The following ZNF654 variants were observed in gnomAD, a reference collection of about 807,000 sequenced individuals.
The protein encoded by ZNF654 is melanoma-associated antigen.
Under a neutral mutation model 95.3 loss-of-function variants are expected in ZNF654, and 19 were observed. That is an observed-to-expected ratio of 0.20 (90% CI 0.14 to 0.29). The LOEUF is 0.29. Ranked by LOEUF, ZNF654 falls within the 10% of genes least tolerant of loss-of-function variation. The pLI, the probability that ZNF654 is intolerant of heterozygous loss-of-function variation, is 1.00. For synonymous variants in ZNF654, 413 were observed against 457.9 expected (o/e 0.90, Z 1.25); for missense variants, 1,046 against 1,341.0 (o/e 0.78, Z 3.44).
At chr3:88,136,908 A>C (rs898606975) in intron 7 of ZNF654, among the ~76,000 whole-genome samples, 2 of 152,074 alleles carry the variant, frequency 1.3e-5, no homozygotes, top group Non-Finnish European at 2.9e-5. Flanking sequence ...AAGATAGAGG[A>C]TGTAGGCTGG....
intron 1 of ZNF654, among the ~76,000 whole-genome samples, chr3:88,082,403 G>A (rs908279684): frequency 6.6e-6 from 1 of 152,208 alleles, no homozygotes; most frequent in Non-Finnish European, 1.5e-5. Context: ...GGGATTACAG[G>A]CGTGAGCCAC....
chr3:88,092,991 G>A (rs1387577842), intron 2 of ZNF654, among the ~76,000 whole-genome samples: 2 of 152,174 alleles, frequency 1.3e-5, no homozygotes, highest in Non-Finnish European at 1.5e-5. Flanking sequence ...AAAAAGTCAT[G>A]TAGTGAATTG....
At chr3:88,081,848 T>C (rs943688961) in intron 1 of ZNF654, among the ~76,000 whole-genome samples, 1 of 152,224 alleles carries the variant, frequency 6.6e-6, no homozygotes, top group African/African-American at 2.4e-5. Context: ...TGTTTACTGT[T>C]GCTGTAGAGT....
chr3:88,060,844 A>G (rs960672863), intron 1 of ZNF654, among the ~76,000 whole-genome samples: 1 of 152,110 alleles, frequency 6.6e-6, no homozygotes, highest in African/African-American at 2.4e-5. Flanking sequence ...CCTTACAAGC[A>G]TTGAAAGAAA....
intron 1 of ZNF654, among the ~76,000 whole-genome samples, chr3:88,069,365 T>G (rs899963021): frequency 9.9e-5 from 15 of 152,092 alleles, no homozygotes; most frequent in Admixed American, 9.2e-4. Context: ...GAGGTTGCAG[T>G]GAGTCTAGAT....
intron 1 of ZNF654, among the ~76,000 whole-genome samples, chr3:88,082,839 G>T (rs78605209): frequency 0.057 from 8,682 of 152,264 alleles, 276 homozygotes; most frequent in Admixed American, 0.079. Context: ...TTAAACAACA[G>T]AAATTTATTT....
At position 88,143,901 on chromosome 3, in the gene ZNF654, C is replaced by G. The variant is rs1707241315; in HGVS notation, c.*2249C>G. On this transcript the variant is annotated 3_prime_UTR_variant, in exon 9 of 9. Coordinates refer to ENST00000636215, the MANE Select transcript of ZNF654 (RefSeq NM_001350134.2). ...TTACATCTGTCTTTTAAAACATAAA[C>G]CTACATCATTTTGCTTTTATAGGGT... 6.6e-6 allele frequency: 1 copy of G among 151,890 alleles called. No individual in the cohort carries two copies. The highest frequency in any genetic ancestry group is 1.5e-5 in the Non-Finnish European group (1 of 67,768). 9.4% of individuals were successfully genotyped at this position (151,890 alleles called of 1,614,324 possible). A position where few individuals can be genotyped will look rare whatever the true frequency, so the allele number is the denominator to read the frequency against.
chr3:88,115,347 G>GT lies in ZNF654; in HGVS notation c.414+2154dup, dbSNP rs1388880459. Among the ~76,000 whole-genome samples, 3 of 152,308 alleles carry GT rather than the reference G, an allele frequency of 2.0e-5. No individual in the cohort carries two copies. In the South Asian group the frequency reaches 6.2e-4, roughly 32 times the overall value. ...GCTTACACTGTGTCATCCTGGGCAA[G>GT]TTTCATAATTTCTGTACCAGTTTCT... On this transcript the variant is annotated intron_variant, in intron 3 of 8. Coordinates refer to ENST00000636215, the MANE Select transcript of ZNF654 (RefSeq NM_001350134.2).
chr3:88,071,639 A>AACAC (rs1707519705), intron 1 of ZNF654, among the ~76,000 whole-genome samples: 1 of 151,314 alleles, frequency 6.6e-6, no homozygotes, highest in Non-Finnish European at 1.5e-5. Context: ...CCATCTCAAA[A>AACAC]ACAAACAAAC....
At chr3:88,118,164 C>T (rs576500399) in intron 3 of ZNF654, among the ~76,000 whole-genome samples, 2 of 152,188 alleles carry the variant, frequency 1.3e-5, no homozygotes, top group South Asian at 2.1e-4. Context: ...TATCCTTATC[C>T]GGTGAAGCCA....
chr3:88,141,644 G>A lies in ZNF654; in HGVS notation c.3380-1G>A. The stretch of plus-strand genomic sequence containing the variant: ...ATTAACAGATGTGTTCTGTTTTACA[G>A]GTGCCTGATGAAAACGGTTCAGAAA... On this transcript the variant is annotated splice_acceptor_variant, in intron 8 of 8. Transcript: ENST00000636215. LOFTEE classifies it high-confidence loss of function. 1 of 1,508,318 alleles carries A rather than the reference G, an allele frequency of 6.6e-7. No individual in the cohort carries two copies. Among genetic ancestry groups the A allele is most frequent in the Admixed American group, 1.9e-5 (1 of 51,300 alleles). The allele number at this position is 1,508,318 out of a possible 1,614,324, so 93.4% of individuals were successfully genotyped here.
chr3:88,113,613 C>T (rs1210965625), intron 3 of ZNF654, among the ~76,000 whole-genome samples: 2 of 151,906 alleles, frequency 1.3e-5, no homozygotes, highest in Non-Finnish European at 2.9e-5. Flanking sequence ...TTTTGGGCAC[C>T]TGGTATAGGA....
chr3:88,134,009 T>C (rs1559732434), intron 6 of ZNF654, among the ~76,000 whole-genome samples: 1 of 151,632 alleles, frequency 6.6e-6, no homozygotes, highest in Non-Finnish European at 1.5e-5. Context: ...CAATATAAAT[T>C]GAAACACCCA....
chr3:88,120,368 C>A (rs1183001969), intron 3 of ZNF654, among the ~76,000 whole-genome samples: 1 of 152,136 alleles, frequency 6.6e-6, no homozygotes, highest in Non-Finnish European at 1.5e-5. Flanking sequence ...ATACTGCTAT[C>A]TTGAGAGCTT....
At chr3:88,099,494 A>G (rs1451113092) in intron 2 of ZNF654, among the ~76,000 whole-genome samples, 2 of 152,168 alleles carry the variant, frequency 1.3e-5, no homozygotes, top group East Asian at 3.9e-4. Flanking sequence ...CTCATACGGA[A>G]CCAAAAAAGA....
intron 2 of ZNF654, among the ~76,000 whole-genome samples, chr3:88,096,820 G>C (rs1250911957): frequency 6.6e-6 from 1 of 151,922 alleles, no homozygotes; most frequent in Admixed American, 6.6e-5. Flanking sequence ...TAGTTTCCTA[G>C]TTTCTGTATC....
intron 1 of ZNF654, among the ~76,000 whole-genome samples, chr3:88,083,185 G>A (rs1246693096): frequency 6.6e-6 from 1 of 152,112 alleles, no homozygotes; most frequent in Non-Finnish European, 1.5e-5. Flanking sequence ...AGTCCCATCG[G>A]GGGGTTAGGG....
At chr3:88,129,635 G>T in intron 5 of ZNF654, 52 bp from the exon 6 acceptor site, 1 of 1,297,076 alleles carries the variant, frequency 7.7e-7, no homozygotes, top group African/African-American at 1.5e-5. Flanking sequence ...ATTGCAACTA[G>T]CTTCTTAGAT....
chr3:88,106,128 A>G (rs1704722186), intron 2 of ZNF654, among the ~76,000 whole-genome samples: 2 of 152,196 alleles, frequency 1.3e-5, no homozygotes, highest in Non-Finnish European at 1.5e-5. Flanking sequence ...TCTCTTCATT[A>G]TAAATTACTC....
Sources: allele counts gnomAD v4.1 joint callset (sites outside exome capture counted in the v4.1 genomes callset), GRCh38; gene constraint gnomAD v4.1.1; transcripts MANE v1.5; gene names NCBI Gene and HGNC (gene_info 2026-07-23, HGNC 2026-07-21).